The following ANKS1B variants were observed in gnomAD, a reference collection of about 807,000 sequenced individuals.
ANKS1B encodes the protein ankyrin repeat and sterile alpha motif domain-containing protein 1B.
A neutral mutation model predicts 148.3 loss-of-function variants in ANKS1B; 36 were observed. That is an observed-to-expected ratio of 0.24 (90% confidence interval 0.19 to 0.32). ANKS1B has a LOEUF of 0.32. Among genes scored for constraint, ANKS1B ranks in the 10% least tolerant of loss-of-function variants. ANKS1B has a pLI of 1.00. For missense variants in ANKS1B, 1,157 were observed against 1,542.6 expected, an observed-to-expected ratio of 0.75 and a Z score of 4.19; for synonymous variants, 542 against 560.8, an observed-to-expected ratio of 0.97 and a Z score of 0.47.
chr12:99,774,799 C>T (rs1048185400), intron 7 of ANKS1B, among the ~76,000 whole-genome samples: 1 of 147,576 alleles, frequency 6.8e-6, no homozygotes, highest in African/African-American at 2.5e-5. Flanking sequence ...ACACACTACA[C>T]AAACAATGGA....
intron 8 of ANKS1B, among the ~76,000 whole-genome samples, chr12:99,678,728 GT>G (rs2098596716): frequency 6.6e-6 from 1 of 152,108 alleles, no homozygotes; most frequent in African/African-American, 2.4e-5. Context: ...ATTTATTGTT[GT>G]TTAATTACCA....
intron 25 of ANKS1B, among the ~76,000 whole-genome samples, chr12:98,754,441 A>G (rs2098180854): frequency 6.6e-6 from 1 of 152,148 alleles, no homozygotes; most frequent in Admixed American, 6.5e-5. Context: ...GTAGTCTCAC[A>G]ATGAAGACAC....
At chr12:99,464,548 A>T (rs1047648173) in intron 10 of ANKS1B, among the ~76,000 whole-genome samples, 5 of 152,184 alleles carry the variant, frequency 3.3e-5, no homozygotes, top group African/African-American at 1.2e-4. Context: ...CTTTGAAAAA[A>T]ATTTAGATGA....
chr12:98,767,602 G>A (rs547603869), intron 25 of ANKS1B, among the ~76,000 whole-genome samples: 2 of 152,322 alleles, frequency 1.3e-5, no homozygotes, highest in South Asian at 4.1e-4. Context: ...ATTAGCAAGG[G>A]TCTGGCAGCA....
At chr12:99,915,308 A>G (rs1173101665) in intron 1 of ANKS1B, among the ~76,000 whole-genome samples, 1 of 151,442 alleles carries the variant, frequency 6.6e-6, no homozygotes, top group Non-Finnish European at 1.5e-5. Flanking sequence ...TCACCTATTC[A>G]CCGAAAAAGT....
chr12:99,701,739 A>G (rs768958167), intron 8 of ANKS1B, among the ~76,000 whole-genome samples: 2 of 152,000 alleles, frequency 1.3e-5, no homozygotes, highest in East Asian at 1.9e-4. Context: ...CTCTGTCCCC[A>G]TAAGTTCAAT....
At chr12:99,063,711 G>A (rs1565842337) in intron 16 of ANKS1B, among the ~76,000 whole-genome samples, 10 of 152,172 alleles carry the variant, frequency 6.6e-5, no homozygotes. Context: ...GTTGTAAAGT[G>A]TTTTAGGTGA....
At chr12:99,756,363 G>C (rs914019265) in intron 8 of ANKS1B, among the ~76,000 whole-genome samples, 1 of 151,960 alleles carries the variant, frequency 6.6e-6, no homozygotes, top group African/African-American at 2.4e-5. Context: ...AAATTCCTAG[G>C]AATACAGCTA....
chr12:99,417,308 C>G (rs1004249313), intron 11 of ANKS1B, among the ~76,000 whole-genome samples: 1 of 152,200 alleles, frequency 6.6e-6, no homozygotes, highest in African/African-American at 2.4e-5. Flanking sequence ...AGGCTATCTT[C>G]CCTCCACTGA....
rs191423517 is a variant in ANKS1B, at chr12:99,165,830, G to T, written c.2420-11435C>A. 1.4e-3 allele frequency among the ~76,000 whole-genome samples: 212 copies of T among 151,898 alleles called. 2 individuals carry two copies. Among genetic ancestry groups the T allele is most frequent in the African/African-American group, 5.0e-3 (206 of 41,514 alleles). ...ATCAGATCAAGACATTATGAGAAAA[G>T]AAAACTATATGTATTAGTGTCTGTC... is the stretch of plus-strand genomic sequence containing the variant. On this transcript the variant is annotated intron_variant, in intron 14 of 26. Transcript: ENST00000683438.
intron 10 of ANKS1B, among the ~76,000 whole-genome samples, chr12:99,479,775 T>C (rs934598448): frequency 3.3e-5 from 5 of 151,954 alleles, no homozygotes; most frequent in Non-Finnish European, 5.9e-5. Flanking sequence ...AGAATGTTAG[T>C]CTAAGTTGCA....
At chr12:99,619,542 T>C (rs1034206825) in intron 9 of ANKS1B, among the ~76,000 whole-genome samples, 2 of 151,934 alleles carry the variant, frequency 1.3e-5, no homozygotes. Flanking sequence ...GCATAGATTG[T>C]GGTGCAGCAC....
At chr12:99,909,278 C>A (rs2093914702) in intron 1 of ANKS1B, among the ~76,000 whole-genome samples, 2 of 147,238 alleles carry the variant, frequency 1.4e-5, no homozygotes, top group African/African-American at 5.0e-5. Context: ...ACCACCATTT[C>A]TCTATCCATT....
chr12:99,244,161 A>G (rs976088561), intron 14 of ANKS1B, among the ~76,000 whole-genome samples, 181 bp downstream of exon 14: 1 of 152,154 alleles, frequency 6.6e-6, no homozygotes, highest in Non-Finnish European at 1.5e-5. Flanking sequence ...CAATTTGCTA[A>G]GTCAATATTC....
intron 17 of ANKS1B, among the ~76,000 whole-genome samples, chr12:98,834,825 T>A (rs562957891): frequency 6.6e-6 from 1 of 152,322 alleles, no homozygotes; most frequent in Non-Finnish European, 1.5e-5. Flanking sequence ...TTTCTGTTTT[T>A]AAGCATCAAG....
intron 17 of ANKS1B, among the ~76,000 whole-genome samples, chr12:99,031,703 G>C (rs1448370357): frequency 1.3e-5 from 2 of 152,118 alleles, no homozygotes; most frequent in Admixed American, 6.6e-5. Flanking sequence ...AAAAGCATGA[G>C]GACAAAGTGC....
At chr12:99,736,868 TA>T (rs1352605266) in intron 8 of ANKS1B, among the ~76,000 whole-genome samples, 3 of 151,818 alleles carry the variant, frequency 2.0e-5, no homozygotes, top group African/African-American at 7.2e-5. Flanking sequence ...ATAATCCCAT[TA>T]AAAATAGGCA....
intron 19 of ANKS1B, among the ~76,000 whole-genome samples, chr12:98,810,369 ATG>A (rs578159361): frequency 5.3e-4 from 80 of 152,308 alleles, no homozygotes; most frequent in Middle Eastern, 3.4e-3. Flanking sequence ...TTCAATACAC[ATG>A]TGTCAGGACC....
rs71436968 is a variant in ANKS1B at position 99,850,281 on chromosome 12, GTCTCTC to G, written c.135-24898_135-24893del. Among the ~76,000 whole-genome samples the G allele has an allele frequency of 4.9e-4, 56 of 114,244 alleles. 1 individual carries two copies. The highest frequency in any genetic ancestry group is 3.3e-3 in the East Asian group (15 of 4,578). The allele number at this position is 114,244 out of a possible 152,430, so 74.9% of individuals were successfully genotyped here. ...TTGAGAAAACAGCAGAAGCAAGAAAGTCTCTCTCTCTCTCTCTCTCTCTCTCTCTCT... is the reference window on the plus strand; with the variant it reads ...TTGAGAAAACAGCAGAAGCAAGAAAGTCTCTCTCTCTCTCTCTCTCTCTCT... On this transcript the variant is annotated intron_variant, in intron 1 of 26. Transcript: ENST00000683438.
Sources: allele counts gnomAD v4.1 joint callset (sites outside exome capture counted in the v4.1 genomes callset), GRCh38; gene constraint gnomAD v4.1.1; transcripts MANE v1.5; gene names NCBI Gene and HGNC (gene_info 2026-07-23, HGNC 2026-07-21).